Variants in CYB5R4 observed in about 807,000 individuals in gnomAD.
CYB5R4 encodes the protein cytochrome b5 reductase 4.
Under a neutral mutation model 70.2 loss-of-function variants are expected in CYB5R4, and 55 were observed. The observed-to-expected ratio is 0.78, with a 90% CI of 0.63 to 0.98. CYB5R4 has a LOEUF of 0.98. Among genes scored for constraint, CYB5R4 ranks in the 50% least tolerant of loss-of-function variants. CYB5R4 has a pLI of 0.00. For missense variants in CYB5R4, 562 were observed against 612.6 expected (o/e 0.92, Z 0.87); for synonymous variants, 197 against 199.5 (o/e 0.99, Z 0.11).
chr6:83,918,779 A>G (rs969489955), intron 6 of CYB5R4, among the ~76,000 whole-genome samples: 1 of 151,950 alleles, frequency 6.6e-6, no homozygotes, highest in South Asian at 2.1e-4. Context: ...TCTCTCTACC[A>G]CCAGTCTATA....
intron 4 of CYB5R4, among the ~76,000 whole-genome samples, chr6:83,912,051 T>C (rs2099464775): frequency 7.3e-6 from 1 of 136,230 alleles, no homozygotes; most frequent in Admixed American, 7.2e-5. Context: ...AGAGAGGCCT[T>C]GTCTCAAAAA....
chr6:83,912,801 CAG>C (rs2099464895), intron 4 of CYB5R4, among the ~76,000 whole-genome samples: 3 of 152,128 alleles, frequency 2.0e-5, no homozygotes, highest in African/African-American at 7.2e-5. Flanking sequence ...GTTGTAAAAA[CAG>C]AGTAGGAGAA....
In CYB5R4 at chr6:83,962,414, T is replaced by C. The variant is rs147480183; in HGVS notation, c.*2536T>C. On this transcript the variant is annotated 3_prime_UTR_variant, in exon 16 of 16. Transcript: ENST00000369681. ...TCACTGTTATTCTCAAGCAAATAACTCAAAGACTCCTACATCACATATTTG... is the reference window on the plus strand; with the variant it reads ...TCACTGTTATTCTCAAGCAAATAACCCAAAGACTCCTACATCACATATTTG... 6.6e-5 allele frequency: 10 copies of C among 152,310 alleles called. No individual in the cohort carries two copies. The East Asian group carries it at 1.9e-3, about 29-fold the overall frequency. 9.4% of individuals were successfully genotyped at this position (152,310 alleles called of 1,614,324 possible).
Position 83,888,600 on chromosome 6 carries a change from C to T in CYB5R4, c.230-4922C>T, listed in dbSNP as rs368583710. 2.0e-3 allele frequency among the ~76,000 whole-genome samples: 304 copies of T among 152,204 alleles called. 1 individual carries two copies. The highest frequency in any genetic ancestry group is 7.0e-3 in the African/African-American group (292 of 41,538). The stretch of plus-strand genomic sequence containing the variant: ...CAAATGTATATGTTCTCACTACTCC[C>T]CTGACTGACAATTCCTGTCTCACCT... On this transcript the variant is annotated intron_variant, in intron 2 of 15. Transcript: ENST00000369681.
chr6:83,918,202 C>T (rs1026082425), intron 6 of CYB5R4, 137 bp downstream of exon 6: 4 of 544,854 alleles, frequency 7.3e-6, no homozygotes, highest in African/African-American at 3.8e-5. Flanking sequence ...ACTGTAATGC[C>T]TCATTTATTA....
Position 83,965,975 on chromosome 6 carries a change from A to T in CYB5R4, c.*6097A>T, listed in dbSNP as rs934320045. 1.3e-5 allele frequency: 2 copies of T among 152,330 alleles called. No homozygotes were observed. Among genetic ancestry groups the T allele is most frequent in the African/African-American group, 4.8e-5 (2 of 41,454 alleles). The allele number at this position is 152,330 out of a possible 1,614,324, so 9.4% of individuals were successfully genotyped here. On this transcript the variant is annotated 3_prime_UTR_variant, in exon 16 of 16. Coordinates refer to ENST00000369681, the MANE Select transcript of CYB5R4 (RefSeq NM_016230.4). The stretch of plus-strand genomic sequence containing the variant: ...CCATGATTCTGAGGCCTCCCCAGCC[A>T]TGTGGAACTATAAGTCCAATTAAAC...
chr6:83,881,278 G>C (rs1174127121), intron 2 of CYB5R4, among the ~76,000 whole-genome samples: 2 of 151,990 alleles, frequency 1.3e-5, no homozygotes, highest in South Asian at 2.1e-4. Context: ...GAGCTCAAGT[G>C]ATCTTCCTGC....
In CYB5R4 at chr6:83,934,706, A is replaced by C; in HGVS notation, c.926A>C (p.Gln309Pro). 1 of 1,613,628 alleles carries C rather than the reference A, an allele frequency of 6.2e-7. No individual in the cohort carries two copies. The highest frequency in any genetic ancestry group is 1.3e-5 in the African/African-American group (1 of 75,054). Residue 309 changes from glutamine (Q) to proline (P), a missense_variant, in exon 11 of 16, where the codon CAA (glutamine) becomes CCA (proline). Coordinates refer to ENST00000369681, the MANE Select transcript of CYB5R4 (RefSeq NM_016230.4). The stretch of plus-strand genomic sequence containing the variant: ...ACTCATCTTCAAGTGCCCATTGGGC[A>C]ACATGTTTACCTCAAGCTACCTATT... ...PSTHLQVPIG[Q>P]HVYLKLPITG...
chr6:83,937,274 C>CA (rs760094072), intron 12 of CYB5R4, among the ~76,000 whole-genome samples: 20 of 148,638 alleles, frequency 1.3e-4, no homozygotes, highest in Admixed American at 2.7e-4. Flanking sequence ...GACTCTGTCT[C>CA]AAAAAAAAAT....
At chr6:83,860,031 C>G (rs1428812899) in intron 1 of CYB5R4, among the ~76,000 whole-genome samples, 174 bp downstream of exon 1, 9 of 152,170 alleles carry the variant, frequency 5.9e-5, no homozygotes, top group Non-Finnish European at 1.2e-4. Flanking sequence ...CCTAAACTCT[C>G]CTTACCTCCT....
At chr6:83,862,960 A>C (rs1226386343) in intron 1 of CYB5R4, among the ~76,000 whole-genome samples, 2 of 152,222 alleles carry the variant, frequency 1.3e-5, no homozygotes, top group African/African-American at 4.8e-5. Flanking sequence ...TGGATGTCTA[A>C]AATAGATATG....
At chr6:83,892,008 A>C (rs2099461192) in intron 2 of CYB5R4, among the ~76,000 whole-genome samples, 1 of 152,192 alleles carries the variant, frequency 6.6e-6, no homozygotes, top group South Asian at 2.1e-4. Context: ...CTGTCTTAAA[A>C]AAGCCTATTG....
At chr6:83,940,874 A>G (rs1318435277) in intron 14 of CYB5R4, among the ~76,000 whole-genome samples, 1 of 152,158 alleles carries the variant, frequency 6.6e-6, no homozygotes, top group Non-Finnish European at 1.5e-5. Context: ...GTTGGGTTTC[A>G]CTGAAAATGT....
In CYB5R4 at chr6:83,950,938, G is replaced by C. The variant is rs142204766; in HGVS notation, c.1347-4360G>C. Among the ~76,000 whole-genome samples, 90 of 152,122 alleles carry C rather than the reference G, an allele frequency of 5.9e-4. 1 individual carries two copies. In the East Asian group the frequency reaches 0.015, roughly 25 times the overall value. On this transcript the variant is annotated intron_variant, in intron 14 of 15. Coordinates refer to ENST00000369681, the MANE Select transcript of CYB5R4 (RefSeq NM_016230.4). Reference sequence around the variant, plus strand: ...TTTTACATAAAGAATATTTTCAACAGGTGGTTTTCAACCTTAAGCAACTCT... The same window carrying C: ...TTTTACATAAAGAATATTTTCAACACGTGGTTTTCAACCTTAAGCAACTCT...
intron 2 of CYB5R4, 134 bp downstream of exon 2, chr6:83,864,462 T>G (rs901790550): frequency 5.6e-6 from 4 of 710,338 alleles, no homozygotes; most frequent in African/African-American, 1.8e-5. Context: ...TGACAATAAC[T>G]TATATAATTC....
rs2099464267 is a variant in CYB5R4 at position 83,909,000 on chromosome 6, A to G, written c.331-9A>G. 1 of 1,612,096 alleles carries G rather than the reference A, an allele frequency of 6.2e-7. No homozygotes were observed. The highest frequency in any genetic ancestry group is 2.2e-5 in the East Asian group (1 of 44,852). ...ATGTTGCTTTTCCATCATTTGTTTTACATACCAGGTTCATCGTTGGGTCAA... is the reference window on the plus strand; with the variant it reads ...ATGTTGCTTTTCCATCATTTGTTTTGCATACCAGGTTCATCGTTGGGTCAA... On this transcript the variant is annotated splice_polypyrimidine_tract_variant and intron_variant, in intron 3 of 15. Coordinates refer to ENST00000369681, the MANE Select transcript of CYB5R4 (RefSeq NM_016230.4).
At chr6:83,939,996 GT>G in intron 12 of CYB5R4, 59 bp from the exon 13 acceptor site, 1 of 1,325,142 alleles carries the variant, frequency 7.5e-7, no homozygotes, top group South Asian at 1.5e-5. Context: ...TCCCCGCTGG[GT>G]TTTTTGTTTT....
At chr6:83,908,041 G>A (rs967977032) in intron 3 of CYB5R4, among the ~76,000 whole-genome samples, 18 of 152,072 alleles carry the variant, frequency 1.2e-4, no homozygotes, top group Non-Finnish European at 2.6e-4. Flanking sequence ...TTAGTTCTTT[G>A]AGGAATCACC....
intron 14 of CYB5R4, among the ~76,000 whole-genome samples, chr6:83,941,886 A>C (rs1025245212): frequency 2.0e-5 from 3 of 152,220 alleles, no homozygotes; most frequent in African/African-American, 7.2e-5. Flanking sequence ...CTAAAGACCT[A>C]AATTCCAGTT....
Sources: gnomAD v4.1 joint callset for allele counts (sites outside exome capture counted in the v4.1 genomes callset) on GRCh38, gnomAD v4.1.1 for gene constraint, MANE v1.5 for transcripts, NCBI Gene and HGNC (gene_info 2026-07-23, HGNC 2026-07-21) for gene names.